FLT3: variants seen among roughly 807,000 people sequenced by gnomAD.
The protein encoded by FLT3 is fms related receptor tyrosine kinase 3.
In FLT3, 46 loss-of-function variants were observed where a neutral mutation model predicts 126.6. The observed-to-expected ratio is 0.36, with a 90% confidence interval of 0.29 to 0.46. The LOEUF is 0.46. FLT3 is among the 20% of genes least tolerant of loss of function. FLT3 has a pLI of 1.00. For synonymous variants in FLT3, 404 were observed against 434.4 expected, an observed-to-expected ratio of 0.93 and a Z score of 0.87; for missense variants, 1,069 against 1,190.3, an observed-to-expected ratio of 0.90 and a Z score of 1.50.
At chr13:28,048,569 G>T (rs966083305) in intron 8 of FLT3, 126 bp from the exon 9 acceptor site, 4 of 672,122 alleles carry the variant, frequency 6.0e-6, no homozygotes, top group South Asian at 5.9e-5. Context: ...CATGCTGCAG[G>T]TCAGGTTGGA....
rs557831261 is a variant in FLT3 at position 28,021,494 on chromosome 13, C to T, written c.2418+1856G>A. On this transcript the variant is annotated intron_variant, in intron 19 of 23. Coordinates refer to ENST00000241453, the MANE Select transcript of FLT3 (RefSeq NM_004119.3). ...GCGCGAGCAAGAAGAATCCAAACAG[C>T]AGGTGGGGAAAATGAAGAGAAAAAT... 8.5e-5 allele frequency among the ~76,000 whole-genome samples: 13 copies of T among 152,222 alleles called. No homozygotes were observed. The South Asian group carries it at 1.7e-3, about 19-fold the overall frequency.
At chr13:28,057,827 G>T (rs1876144854) in intron 3 of FLT3, among the ~76,000 whole-genome samples, 1 of 151,984 alleles carries the variant, frequency 6.6e-6, no homozygotes, top group Non-Finnish European at 1.5e-5. Flanking sequence ...ATCACCTGAG[G>T]TCAGGAGTTC....
intron 1 of FLT3, among the ~76,000 whole-genome samples, chr13:28,081,459 C>T (rs1045770288): frequency 2.4e-4 from 37 of 152,244 alleles, no homozygotes; most frequent in African/African-American, 8.7e-4. Context: ...ATAGTACATC[C>T]TGCAAACTTA....
At chr13:28,043,148 G>C (rs1429201089) in intron 9 of FLT3, among the ~76,000 whole-genome samples, 1 of 151,362 alleles carries the variant, frequency 6.6e-6, no homozygotes, top group African/African-American at 2.4e-5. Context: ...CTAAGGAGAA[G>C]GTTTCAGAAG....
chr13:28,090,236 C>T (rs1878948518), intron 1 of FLT3, among the ~76,000 whole-genome samples: 2 of 151,170 alleles, frequency 1.3e-5, no homozygotes, highest in South Asian at 4.2e-4. Context: ...CAGGGTTTCA[C>T]CATGATGGCC....
Position 28,100,091 on chromosome 13 carries a change from C to G in FLT3, c.43+377G>C, listed in dbSNP as rs563228454. On this transcript the variant is annotated intron_variant, in intron 1 of 23. Coordinates refer to ENST00000241453, the MANE Select transcript of FLT3 (RefSeq NM_004119.3). This position sits in a 1 kb window ranked among gnomAD's most constrained non-coding sequence, Gnocchi z 4.8. ...CCAGGAGAGGTCCTTGGCCACCTGG[C>G]GCCGAGTTCGCGGCCGCAGACTCCC... Among the ~76,000 whole-genome samples the G allele has an allele frequency of 2.0e-5, 3 of 152,132 alleles. No homozygotes were observed. Among genetic ancestry groups the G allele is most frequent in the African/African-American group, 4.8e-5 (2 of 41,450 alleles).
intron 1 of FLT3, among the ~76,000 whole-genome samples, chr13:28,084,422 C>T (rs1028860448): frequency 3.3e-5 from 5 of 151,850 alleles, no homozygotes; most frequent in African/African-American, 4.8e-5. Context: ...GGTGTGATCA[C>T]GGTGTACTGC....
intron 1 of FLT3, among the ~76,000 whole-genome samples, chr13:28,072,142 TAA>T (rs34738432): frequency 0.87 from 129,791 of 149,962 alleles, 58,828 homozygotes; most frequent in Non-Finnish European, 0.99. Flanking sequence ...CATATATATA[TAA>T]AAATATATGT....
chr13:28,077,964 A>G (rs896549379), intron 1 of FLT3, among the ~76,000 whole-genome samples: 3 of 152,242 alleles, frequency 2.0e-5, no homozygotes, highest in African/African-American at 7.2e-5. Flanking sequence ...TTTTGACTCC[A>G]GGTCTCACAT....
intron 3 of FLT3, among the ~76,000 whole-genome samples, chr13:28,058,537 T>C (rs112490222): frequency 0.013 from 1,980 of 152,136 alleles, 40 homozygotes; most frequent in African/African-American, 0.046. Context: ...AATAAAATAA[T>C]AAAATAAGTT....
At chr13:28,073,821 T>C (rs1877734194) in intron 1 of FLT3, among the ~76,000 whole-genome samples, 1 of 151,598 alleles carries the variant, frequency 6.6e-6, no homozygotes, top group Non-Finnish European at 1.5e-5. Flanking sequence ...GAGCCTGAAG[T>C]CTCAGCTACT....
At chr13:28,090,538 G>A (rs1173519129) in intron 1 of FLT3, among the ~76,000 whole-genome samples, 1 of 152,146 alleles carries the variant, frequency 6.6e-6, no homozygotes, top group Admixed American at 6.6e-5. Context: ...AGTACTTTGG[G>A]AGGCCGAGGC....
At chr13:28,007,829 TTAAA>T (rs769558730) in intron 23 of FLT3, among the ~76,000 whole-genome samples, 35 of 152,284 alleles carry the variant, frequency 2.3e-4, no homozygotes, top group Non-Finnish European at 4.3e-4. Flanking sequence ...AACTCTATGA[TTAAA>T]TACTCAAAAA....
intron 5 of FLT3, among the ~76,000 whole-genome samples, 164 bp from the exon 6 acceptor site, chr13:28,050,386 A>G (rs1447850321): frequency 6.6e-6 from 1 of 152,244 alleles, no homozygotes; most frequent in Non-Finnish European, 1.5e-5. Flanking sequence ...AAGAGCTCAG[A>G]GGGGAGCTAG....
At chr13:28,082,332 T>C (rs1452014668) in intron 1 of FLT3, among the ~76,000 whole-genome samples, 1 of 152,086 alleles carries the variant, frequency 6.6e-6, no homozygotes, top group Admixed American at 6.6e-5. Context: ...TAAAAAATTG[T>C]TTAACTTTTT....
intron 1 of FLT3, among the ~76,000 whole-genome samples, chr13:28,072,726 G>A (rs982627330): frequency 1.6e-4 from 24 of 152,240 alleles, no homozygotes; most frequent in African/African-American, 5.3e-4. Context: ...ATATGCGGCC[G>A]GGCGTGGTGG....
intron 9 of FLT3, among the ~76,000 whole-genome samples, chr13:28,044,384 A>T (rs1206157788): frequency 6.7e-6 from 1 of 150,106 alleles, no homozygotes; most frequent in African/African-American, 2.5e-5. Context: ...CAGGAGACGG[A>T]GGTTGCAGTG....
At chr13:28,096,964 C>T (rs558114386) in intron 1 of FLT3, among the ~76,000 whole-genome samples, 2 of 152,236 alleles carry the variant, frequency 1.3e-5, no homozygotes, top group African/African-American at 4.8e-5. Flanking sequence ...TAGCTCACAC[C>T]TGTAATCCTA....
intron 1 of FLT3, among the ~76,000 whole-genome samples, chr13:28,080,977 C>CT (rs1878267991): frequency 6.6e-6 from 1 of 152,174 alleles, no homozygotes; most frequent in Non-Finnish European, 1.5e-5. Context: ...AATCACTATA[C>CT]TGTTCCATTA....
Sources: allele counts gnomAD v4.1 joint callset (sites outside exome capture counted in the v4.1 genomes callset), GRCh38; gene constraint gnomAD v4.1.1; non-coding constraint Gnocchi (gnomAD v3.1); transcripts MANE v1.5; gene names NCBI Gene and HGNC (gene_info 2026-07-23, HGNC 2026-07-21).